The following WDR7 variants were observed in gnomAD, a reference collection of about 807,000 sequenced individuals.
WDR7 encodes the protein WD repeat domain 7, also known as WD repeat-containing protein 7.
A neutral mutation model predicts 169.4 loss-of-function variants in WDR7; 46 were observed. The observed-to-expected ratio is 0.27, with a 90% confidence interval of 0.21 to 0.35. WDR7 has a LOEUF of 0.35. WDR7 is among the 10% of genes least tolerant of loss of function. The pLI is 1.00. For missense variants in WDR7, 1,534 were observed against 1,859.3 expected, an observed-to-expected ratio of 0.83 and a Z score of 3.22; for synonymous variants, 612 against 666.8, an observed-to-expected ratio of 0.92 and a Z score of 1.27.
chr18:57,013,803 T>G (rs1406284657), intron 26 of WDR7, among the ~76,000 whole-genome samples: 3 of 152,222 alleles, frequency 2.0e-5, no homozygotes, highest in Non-Finnish European at 2.9e-5. Context: ...GGTGTGCACA[T>G]CTCACTCTCC....
intron 18 of WDR7, 132 bp downstream of exon 18, chr18:56,779,681 C>T: frequency 1.4e-6 from 1 of 696,334 alleles, no homozygotes; most frequent in Non-Finnish European, 2.3e-6. Flanking sequence ...AATGTGGATT[C>T]ATGATTTATG....
intron 26 of WDR7, among the ~76,000 whole-genome samples, chr18:56,988,590 A>AGTGT (rs71171009): frequency 0.068 from 9,763 of 142,548 alleles, 343 homozygotes; most frequent in African/African-American, 0.1. Flanking sequence ...ATGGAAGGCA[A>AGTGT]GTGTGTGTGT....
intron 19 of WDR7, among the ~76,000 whole-genome samples, chr18:56,800,528 T>C (rs2044654494): frequency 6.6e-6 from 1 of 151,828 alleles, no homozygotes. Flanking sequence ...TATTGAACCA[T>C]ATAGTCTTCA....
chr18:56,802,826 T>A (rs1276321826), intron 19 of WDR7, among the ~76,000 whole-genome samples: 1 of 152,126 alleles, frequency 6.6e-6, no homozygotes, highest in Admixed American at 6.5e-5. Context: ...AAAGTCCAAT[T>A]AGTTTTTCTT....
intron 19 of WDR7, among the ~76,000 whole-genome samples, chr18:56,810,917 C>T (rs1227512638): frequency 6.6e-6 from 1 of 152,102 alleles, no homozygotes; most frequent in Non-Finnish European, 1.5e-5. Flanking sequence ...AGTGAAACCT[C>T]AGCCCCCATT....
intron 21 of WDR7, among the ~76,000 whole-genome samples, chr18:56,886,282 A>G (rs2046192290): frequency 6.6e-6 from 1 of 152,210 alleles, no homozygotes; most frequent in African/African-American, 2.4e-5. Context: ...CAGATTTCTC[A>G]GCAGAAGCCC....
Position 56,985,557 on chromosome 18 carries a change from T to C in WDR7, c.4164+23028T>C, listed in dbSNP as rs147435969. On this transcript the variant is annotated intron_variant, in intron 26 of 27. Coordinates refer to ENST00000254442, the MANE Select transcript of WDR7 (RefSeq NM_015285.3). ...CTTCCAAGATACATTTTAACTTCTCTATATCAAGTACACAAAATCAAGTAA... is the reference window on the plus strand; with the variant it reads ...CTTCCAAGATACATTTTAACTTCTCCATATCAAGTACACAAAATCAAGTAA... Among the ~76,000 whole-genome samples, 376 of 152,282 alleles carry C rather than the reference T, an allele frequency of 2.5e-3. 2 individuals carry two copies. Among genetic ancestry groups the C allele is most frequent in the African/African-American group, 8.5e-3 (353 of 41,576 alleles).
At chr18:56,856,370 C>T (rs1025415946) in intron 20 of WDR7, among the ~76,000 whole-genome samples, 1 of 151,992 alleles carries the variant, frequency 6.6e-6, no homozygotes, top group African/African-American at 2.4e-5. Flanking sequence ...CCTGGCTCTA[C>T]AAAACTTACA....
chr18:56,815,453 C>T (rs116149047), intron 19 of WDR7, among the ~76,000 whole-genome samples: 95 of 152,288 alleles, frequency 6.2e-4, no homozygotes, highest in African/African-American at 2.2e-3. Flanking sequence ...AGCTTTTGGC[C>T]TCTGAACTTC....
At chr18:56,746,889 AGTC>A (rs374702546) in intron 14 of WDR7, among the ~76,000 whole-genome samples, 37 of 152,278 alleles carry the variant, frequency 2.4e-4, no homozygotes, top group African/African-American at 8.4e-4. Context: ...CACCCTTCCA[AGTC>A]GTCACTAGCA....
downstream of WDR7, chr18:57,031,960 T>C (rs1336958531): frequency 6.6e-6 from 1 of 152,234 alleles, no homozygotes; most frequent in Non-Finnish European, 1.5e-5. Flanking sequence ...GATTTTTGTT[T>C]TATGTTTTCA....
intron 21 of WDR7, among the ~76,000 whole-genome samples, chr18:56,882,236 C>T (rs1404059392): frequency 6.6e-6 from 1 of 152,206 alleles, no homozygotes; most frequent in Admixed American, 6.5e-5. Context: ...CTTCAGACAG[C>T]CCAGGACTTA....
chr18:56,724,590 T>C (rs1395769941), intron 13 of WDR7, among the ~76,000 whole-genome samples: 2 of 152,070 alleles, frequency 1.3e-5, no homozygotes, highest in Admixed American at 6.5e-5. Flanking sequence ...TGTATTCCTG[T>C]AAATTTTTTT....
chr18:56,714,406 T>A (rs1377939344), intron 12 of WDR7, among the ~76,000 whole-genome samples: 1 of 152,024 alleles, frequency 6.6e-6, no homozygotes, highest in East Asian at 1.9e-4. Context: ...CTTATTATCA[T>A]TTACAGAGAT....
chr18:56,969,329 G>T (rs2047452322), intron 26 of WDR7, among the ~76,000 whole-genome samples: 1 of 152,108 alleles, frequency 6.6e-6, no homozygotes, highest in Non-Finnish European at 1.5e-5. Flanking sequence ...CCTAAATTAG[G>T]CTCTTGGCCT....
At chr18:56,910,940 T>C (rs2046543927) in intron 21 of WDR7, among the ~76,000 whole-genome samples, 1 of 152,208 alleles carries the variant, frequency 6.6e-6, no homozygotes, top group Non-Finnish European at 1.5e-5. Flanking sequence ...TATCCTTTTG[T>C]TAAAAAATAT....
chr18:57,004,037 A>G (rs1320311734), intron 26 of WDR7, among the ~76,000 whole-genome samples: 1 of 151,686 alleles, frequency 6.6e-6, no homozygotes. Flanking sequence ...GTGTGCGCGC[A>G]CACACACACC....
intron 25 of WDR7, among the ~76,000 whole-genome samples, chr18:56,959,192 T>A (rs144959247): frequency 2.4e-4 from 37 of 152,158 alleles, no homozygotes; most frequent in African/African-American, 8.2e-4. Context: ...GAGCAGCAAC[T>A]GTCAAAACCC....
intron 19 of WDR7, among the ~76,000 whole-genome samples, chr18:56,794,304 ATTTTTT>A (rs566857049): frequency 3.6e-4 from 18 of 49,466 alleles, no homozygotes; most frequent in East Asian, 3.0e-3. Context: ...GGTAAAGTCT[ATTTTTT>A]TTTTTTTTTT....
Sources: allele counts gnomAD v4.1 joint callset (sites outside exome capture counted in the v4.1 genomes callset), GRCh38; gene constraint gnomAD v4.1.1; transcripts MANE v1.5; gene names NCBI Gene and HGNC (gene_info 2026-07-23, HGNC 2026-07-21).